The following FGF9 variants were observed in gnomAD, a reference collection of about 807,000 sequenced individuals.
FGF9 encodes the protein fibroblast growth factor 9, also known as fibroblast growth factor 9 (glia-activating factor).
A neutral mutation model predicts 19.9 loss-of-function variants in FGF9; 3 were observed. That is an observed-to-expected ratio of 0.15 (90% CI 0.07 to 0.39). FGF9 has a LOEUF of 0.39. Among genes scored for constraint, FGF9 ranks in the 10% least tolerant of loss-of-function variants. The probability of loss-of-function intolerance (pLI) is 1.00; values close to 1 mark genes in which losing one functional copy is unlikely to be tolerated. For synonymous variants in FGF9, 107 were observed against 106.9 expected (o/e 1.00, Z -0.01); for missense variants, 175 against 256.8 (o/e 0.68, Z 2.18).
Position 21,672,047 on chromosome 13 carries a change from C to T in FGF9, c.135C>T (p.Leu45=), listed in dbSNP as rs745487908. The change falls in exon 1 of 3, where the codon CTC becomes CTT. Residue 45 remains leucine, a synonymous_variant. Transcript: ENST00000382353. The surrounding 1 kb of genome is among the most constrained non-coding windows in gnomAD (Gnocchi z 4.2). The stretch of plus-strand genomic sequence containing the variant: ...TGGGTCAGTCCGAAGCAGGGGGGCT[C>T]CCCAGGGGACCCGCAGTCACGGACT... ...DHLGQSEAGG[L]PRGPAVTDLD... 1.2e-6 allele frequency: 2 copies of T among 1,614,180 alleles called. No individual in the cohort carries two copies. Among genetic ancestry groups the T allele is most frequent in the South Asian group, 1.1e-5 (1 of 91,080 alleles).
intron 2 of FGF9, among the ~76,000 whole-genome samples, chr13:21,685,892 C>T (rs560286721): frequency 2.2e-4 from 33 of 152,270 alleles, no homozygotes; most frequent in Admixed American, 1.4e-3. Flanking sequence ...AATTAAAATA[C>T]GCTGCCAGGT....
At chr13:21,673,555 C>T (rs1372241392) in intron 1 of FGF9, among the ~76,000 whole-genome samples, 2 of 152,244 alleles carry the variant, frequency 1.3e-5, no homozygotes, top group Non-Finnish European at 2.9e-5. Flanking sequence ...TAACTATCCC[C>T]TCCCCACCCC....
At chr13:21,683,516 C>A (rs1872089874) in intron 2 of FGF9, among the ~76,000 whole-genome samples, 1 of 152,198 alleles carries the variant, frequency 6.6e-6, no homozygotes, top group Non-Finnish European at 1.5e-5. Context: ...AGCACACACA[C>A]AGTGCGTGGG....
chr13:21,683,412 C>A lies in FGF9; in HGVS notation c.381+2267C>A, dbSNP rs1409176722. ...CTGTGGGACACGGCAGCCAGGTAGA[C>A]AGCTGGAGAGCACCATCTTTCCCCT... On this transcript the variant is annotated intron_variant, in intron 2 of 2. Transcript: ENST00000382353. Among the ~76,000 whole-genome samples, 3 of 152,246 alleles carry A rather than the reference C, an allele frequency of 2.0e-5. No individual in the cohort carries two copies. In the South Asian group the frequency reaches 6.2e-4, roughly 31 times the overall value.
intron 2 of FGF9, among the ~76,000 whole-genome samples, chr13:21,696,488 A>G (rs1872412441): frequency 6.6e-6 from 1 of 152,214 alleles, no homozygotes; most frequent in Non-Finnish European, 1.5e-5. Context: ...TGGAAACACA[A>G]TAAAACAAGA....
rs941013188 is a variant in FGF9, at chr13:21,677,773, C to G, written c.278-3269C>G. On this transcript the variant is annotated intron_variant, in intron 1 of 2. Coordinates refer to ENST00000382353, the MANE Select transcript of FGF9 (RefSeq NM_002010.3). ...AAGCTGGGCTGTTATTTTGACGTCT[C>G]TATTTTTAAGGAACTGCGGAGAAAT... 3.3e-5 allele frequency among the ~76,000 whole-genome samples: 5 copies of G among 152,202 alleles called. No individual in the cohort carries two copies. The South Asian group carries it at 6.2e-4, about 19-fold the overall frequency.
intron 2 of FGF9, among the ~76,000 whole-genome samples, chr13:21,685,742 T>G (rs965028943): frequency 6.6e-6 from 1 of 152,142 alleles, no homozygotes; most frequent in Non-Finnish European, 1.5e-5. Context: ...TGGACAGATG[T>G]TTTGGCATCC....
intron 1 of FGF9, among the ~76,000 whole-genome samples, chr13:21,675,378 G>A (rs1038810623): frequency 6.6e-6 from 1 of 152,100 alleles, no homozygotes; most frequent in Non-Finnish European, 1.5e-5. Flanking sequence ...CCGCAGAGCG[G>A]TGGTGCGTGT....
intron 2 of FGF9, among the ~76,000 whole-genome samples, chr13:21,690,906 G>A (rs904416973): frequency 1.3e-5 from 2 of 152,218 alleles, no homozygotes; most frequent in African/African-American, 2.4e-5. Flanking sequence ...GCTGTAATGC[G>A]GCTTAAGGAG....
chr13:21,690,447 C>T (rs117982556), intron 2 of FGF9, among the ~76,000 whole-genome samples: 2,561 of 152,316 alleles, frequency 0.017, 34 homozygotes, highest in Non-Finnish European at 0.025. Flanking sequence ...ACAACACACA[C>T]ACCCTCATAC....
chr13:21,689,766 T>G (rs1872245143), intron 2 of FGF9, among the ~76,000 whole-genome samples: 1 of 152,200 alleles, frequency 6.6e-6, no homozygotes, highest in East Asian at 1.9e-4. Context: ...TGCTGACTCC[T>G]GCTTCCCCTC....
intron 2 of FGF9, among the ~76,000 whole-genome samples, chr13:21,693,081 A>G (rs1872328653): frequency 6.6e-6 from 1 of 152,258 alleles, no homozygotes; most frequent in African/African-American, 2.4e-5. Flanking sequence ...ATTTTTAAAA[A>G]GGTCCATGCC....
At position 21,686,200 on chromosome 13, in the gene FGF9, T is replaced by G. The variant is rs928154814; in HGVS notation, c.381+5055T>G. 1.7e-4 allele frequency among the ~76,000 whole-genome samples: 26 copies of G among 152,160 alleles called. 1 individual carries two copies. Among genetic ancestry groups the G allele is most frequent in the Admixed American group, 1.4e-3 (22 of 15,280 alleles). On this transcript the variant is annotated intron_variant, in intron 2 of 2. Coordinates refer to ENST00000382353, the MANE Select transcript of FGF9 (RefSeq NM_002010.3). ...CGTGCCACCAAGCCTGGCTAATTTT[T>G]GTGTTTTTAGTAGAGATGGGGTTTC...
intron 1 of FGF9, among the ~76,000 whole-genome samples, chr13:21,680,410 C>T (rs1213552584): frequency 1.3e-5 from 2 of 151,360 alleles, no homozygotes; most frequent in Non-Finnish European, 2.9e-5. Context: ...TTAGTTAGCA[C>T]TTCATTCTCT....
chr13:21,694,855 G>T (rs983630965), intron 2 of FGF9, among the ~76,000 whole-genome samples: 8 of 152,172 alleles, frequency 5.3e-5, no homozygotes, highest in African/African-American at 1.9e-4. Flanking sequence ...CCCTGAGCAA[G>T]ACTTTCTTTC....
At chr13:21,688,406 G>A (rs977063759) in intron 2 of FGF9, among the ~76,000 whole-genome samples, 11 of 152,188 alleles carry the variant, frequency 7.2e-5, no homozygotes, top group Admixed American at 4.6e-4. Context: ...TGTTTCATAT[G>A]TGCGTGACCA....
At position 21,671,578 on chromosome 13, in the gene FGF9, T is replaced by C. The variant is rs76177639; in HGVS notation, c.-335T>C. The C allele has an allele frequency of 6.0e-6, 3 of 496,006 alleles. No homozygotes were observed. The highest frequency in any genetic ancestry group is 8.1e-5 in the South Asian group (2 of 24,648). The allele number at this position is 496,006 out of a possible 1,614,324, so 30.7% of individuals were successfully genotyped here. The stretch of plus-strand genomic sequence containing the variant: ...AAATGGAGAAACTACGGATTTTTTT[T>C]CCTTATTACGGTCGGATGGGATGAA... On this transcript the variant is annotated 5_prime_UTR_variant, in exon 1 of 3. Coordinates refer to ENST00000382353, the MANE Select transcript of FGF9 (RefSeq NM_002010.3).
intron 1 of FGF9, among the ~76,000 whole-genome samples, chr13:21,678,678 C>G (rs775626025): frequency 6.6e-6 from 1 of 152,146 alleles, no homozygotes; most frequent in Non-Finnish European, 1.5e-5. Context: ...TCAGCTACTC[C>G]GTGTGCAGGG....
intron 2 of FGF9, among the ~76,000 whole-genome samples, chr13:21,682,928 T>C (rs1872077531): frequency 6.6e-6 from 1 of 152,118 alleles, no homozygotes; most frequent in African/African-American, 2.4e-5. Flanking sequence ...TTAATTTGAG[T>C]ATGCATCTCA....
Sources: gnomAD v4.1 joint callset for allele counts (sites outside exome capture counted in the v4.1 genomes callset) on GRCh38, gnomAD v4.1.1 for gene constraint, Gnocchi (gnomAD v3.1) non-coding constraint, MANE v1.5 for transcripts, NCBI Gene and HGNC (gene_info 2026-07-23, HGNC 2026-07-21) for gene names.